The following GDF1 variants were observed in gnomAD, a reference collection of about 807,000 sequenced individuals.
GDF1 encodes the protein growth differentiation factor 1.
GDF1 carries 8 observed loss-of-function variants against 7.4 expected under a neutral mutation model. The ratio of observed to expected loss-of-function variants is 1.09; its 90% CI spans 0.64 to 1.96. The LOEUF is 1.96. Among genes scored for constraint, GDF1 ranks in the 30% most tolerant of loss-of-function variants. GDF1 has a pLI of 0.00. For missense variants in GDF1, 574 were observed against 551.5 expected (o/e 1.04, Z -0.41); for synonymous variants, 311 against 276.7 (o/e 1.12, Z -1.23).
At chr19:18,890,783 GAAA>G (rs35488506) in intron 2 of GDF1, among the ~76,000 whole-genome samples, 1 of 99,766 alleles carries the variant, frequency 1.0e-5, no homozygotes, top group Non-Finnish European at 1.9e-5. Context: ...CGCGTCTGGG[GAAA>G]AAAAAAAAAA....
At chr19:18,876,533 G>A in intron 6 of GDF1, among the ~76,000 whole-genome samples, 1 of 95,022 alleles carries the variant, frequency 1.1e-5, no homozygotes, top group East Asian at 2.7e-4. Context: ...TGTTTTGATT[G>A]GGTTGTGTGT....
In GDF1 at chr19:18,868,723, G is replaced by A; in HGVS notation, c.993C>T (p.Ala331=). ...RALMHAAAPG[A]ADLPCCVPAR... ...CGGGCACGCAGCAGGGCAGGTCGGC[G>A]GCTCCCGGGGCGGCCGCGTGCATGA... Residue 331 remains alanine, a synonymous_variant, in exon 8 of 8, where the codon GCC becomes GCT. Coordinates refer to ENST00000247005, the MANE Select transcript of GDF1 (RefSeq NM_001492.6). 2 of 1,539,390 alleles carry A rather than the reference G, an allele frequency of 1.3e-6. No homozygotes were observed. The highest frequency in any genetic ancestry group is 1.8e-6 in the Non-Finnish European group (2 of 1,140,082).
At chr19:18,893,659 G>T in intron 1 of GDF1, 84 bp from the exon 2 acceptor site, 1 of 1,391,744 alleles carries the variant, frequency 7.2e-7, no homozygotes. Flanking sequence ...GAGGCCCAGG[G>T]ACTCCCCAGG....
rs2055910234 is a variant in GDF1, at chr19:18,869,083, G to A, written c.633C>T (p.Arg211=). ...AAWARNASWP[R]SLRLALALRP... ...GTAGCGCCAGCGCCAGGCGGAGGCT[G>A]CGCGGCCATGAGGCGTTGCGAGCCC... is the stretch of plus-strand genomic sequence containing the variant. The change falls in exon 8 of 8, where the codon CGC becomes CGT. Residue 211 remains arginine, a synonymous_variant. Transcript: ENST00000247005. The A allele has an allele frequency of 2.8e-6, 3 of 1,064,198 alleles. No homozygotes were observed. Among genetic ancestry groups the A allele is most frequent in the African/African-American group, 1.7e-5 (1 of 58,262 alleles). The allele number at this position is 1,064,198 out of a possible 1,614,324, so 65.9% of individuals were successfully genotyped here.
At chr19:18,884,958 C>T (rs914536140) in intron 2 of GDF1, among the ~76,000 whole-genome samples, 1 of 151,894 alleles carries the variant, frequency 6.6e-6, no homozygotes, top group Non-Finnish European at 1.5e-5. Context: ...TCAGGTGATC[C>T]ACCTGCCTCG....
intron 6 of GDF1, among the ~76,000 whole-genome samples, chr19:18,875,603 CCT>C (rs1568295315): frequency 6.6e-6 from 1 of 151,892 alleles, no homozygotes; most frequent in Admixed American, 6.6e-5. Context: ...CACCTGGAAT[CCT>C]CTCTCTGCTG....
intron 6 of GDF1, among the ~76,000 whole-genome samples, chr19:18,872,553 TC>T (rs2055991428): frequency 6.6e-6 from 1 of 151,482 alleles, no homozygotes; most frequent in African/African-American, 2.4e-5. Flanking sequence ...CTCGCTCTTG[TC>T]CCCCAGGCGG....
chr19:18,878,743 T>C lies in GDF1; in HGVS notation c.-313+187A>G. The C allele has an allele frequency of 7.1e-7, 1 of 1,410,868 alleles. No homozygotes were observed. Among genetic ancestry groups the C allele is most frequent in the Non-Finnish European group, 9.3e-7 (1 of 1,080,762 alleles). 87.4% of individuals were successfully genotyped at this position (1,410,868 alleles called of 1,614,324 possible). ...AGCCTCTCCCTCCCCTTCCTCACTG[T>C]CCTGTCCTTCAGGGTACTGGCCACA... On this transcript the variant is annotated intron_variant, in intron 6 of 7. Coordinates refer to ENST00000247005, the MANE Select transcript of GDF1 (RefSeq NM_001492.6). The surrounding 1 kb of genome is among the most constrained non-coding windows in gnomAD (Gnocchi z 4.6).
chr19:18,871,132 A>T (rs2055962342), intron 6 of GDF1, among the ~76,000 whole-genome samples: 1 of 149,948 alleles, frequency 6.7e-6, no homozygotes. Context: ...TCCAGGCTAG[A>T]GCTGTGGCAC....
At chr19:18,888,687 G>A (rs945569807) in intron 2 of GDF1, among the ~76,000 whole-genome samples, 21 of 150,830 alleles carry the variant, frequency 1.4e-4, no homozygotes, top group African/African-American at 4.9e-4. Context: ...AAAATTAGCC[G>A]GGTGTGGTAG....
intron 6 of GDF1, among the ~76,000 whole-genome samples, chr19:18,874,300 C>T (rs2056024537): frequency 6.6e-6 from 1 of 152,150 alleles, no homozygotes; most frequent in Non-Finnish European, 1.5e-5. Flanking sequence ...CTGAAGTTCA[C>T]AGTTTTCTAT....
At chr19:18,876,582 C>A (rs2056065339) in intron 6 of GDF1, among the ~76,000 whole-genome samples, 1 of 142,578 alleles carries the variant, frequency 7.0e-6, no homozygotes, top group African/African-American at 2.7e-5. Context: ...ACTGCATATC[C>A]CTATATTGCC....
intron 2 of GDF1, among the ~76,000 whole-genome samples, chr19:18,888,372 G>A (rs553458843): frequency 6.0e-5 from 9 of 150,368 alleles, no homozygotes; most frequent in Non-Finnish European, 1.3e-4. Context: ...AAAAAAATTA[G>A]CTGGGTGTGG....
Position 18,868,930 on chromosome 19 carries a change from G to A in GDF1, c.786C>T (p.Gly262=), listed in dbSNP as rs1484930393. 7.6e-7 allele frequency: 1 copy of A among 1,322,578 alleles called. No homozygotes were observed. The highest frequency in any genetic ancestry group is 9.7e-7 in the Non-Finnish European group (1 of 1,027,342). 81.9% of individuals were successfully genotyped at this position (1,322,578 alleles called of 1,614,324 possible). A position where few individuals can be genotyped will look rare whatever the true frequency, so the allele number is the denominator to read the frequency against. The change falls in exon 8 of 8, where the codon GGC becomes GGT. Residue 262 remains glycine, a synonymous_variant. Transcript: ENST00000247005. ...RRDAEPVLGG[G]PGGACRARRL... ...GCCGCGCGCGACAAGCGCCCCCGGG[G>A]CCGCCGCCCAACACGGGTTCGGCGT...
chr19:18,869,206 C>G lies in GDF1; in HGVS notation c.510G>C (p.Ala170=). The G allele has an allele frequency of 7.8e-7, 1 of 1,275,646 alleles. No homozygotes were observed. The highest frequency in any genetic ancestry group is 3.6e-5 in the East Asian group (1 of 27,814). 79.0% of individuals were successfully genotyped at this position (1,275,646 alleles called of 1,614,324 possible). A position where few individuals can be genotyped will look rare whatever the true frequency, so the allele number is the denominator to read the frequency against. ...CGGGGTCCGCGCCCGCGCCCTGGCCCGCTTGCGCCACGCTCAGCTCCCAGC... is the reference window on the plus strand; with the variant it reads ...CGGGGTCCGCGCCCGCGCCCTGGCCGGCTTGCGCCACGCTCAGCTCCCAGC... ...EGGWELSVAQ[A]GQGAGADPGP... is the part of the protein sequence containing the mutation. Residue 170 remains alanine, a synonymous_variant, in exon 8 of 8, where the codon GCG becomes GCC. Coordinates refer to ENST00000247005, the MANE Select transcript of GDF1 (RefSeq NM_001492.6).
chr19:18,881,612 C>T (rs2056212117), intron 3 of GDF1: 1 of 152,182 alleles, frequency 6.6e-6, no homozygotes, highest in Admixed American at 6.6e-5. Context: ...CTGGATTCAC[C>T]CTGGACGTGG....
At chr19:18,874,147 C>T (rs2056022090) in intron 6 of GDF1, among the ~76,000 whole-genome samples, 2 of 152,308 alleles carry the variant, frequency 1.3e-5, no homozygotes, top group African/African-American at 2.4e-5. Context: ...GTAGCAGCAG[C>T]TGGACATCCT....
Position 18,868,842 on chromosome 19 carries a change from G to A in GDF1, c.874C>T (p.Leu292=), listed in dbSNP as rs1233479729. The A allele has an allele frequency of 2.8e-6, 4 of 1,451,646 alleles. No homozygotes were observed. The East Asian group carries it at 1.2e-4, about 45-fold the overall frequency. The allele number at this position is 1,451,646 out of a possible 1,614,324, so 89.9% of individuals were successfully genotyped here. A position where few individuals can be genotyped will look rare whatever the true frequency, so the allele number is the denominator to read the frequency against. ...CACTGACCCTGGCAGTAGTTGGCCA[G>A]GAAGCCGCGCGGCGCGATGACCCAG... ...HRWVIAPRGF[L]ANYCQGQCAL... Residue 292 remains leucine, a synonymous_variant, in exon 8 of 8, where the codon CTG becomes TTG. Transcript: ENST00000247005.
At chr19:18,874,621 G>C (rs1317694494) in intron 6 of GDF1, among the ~76,000 whole-genome samples, 3 of 152,230 alleles carry the variant, frequency 2.0e-5, no homozygotes, top group African/African-American at 4.8e-5. Flanking sequence ...GGGCAATGGG[G>C]ACTTTGGACA....
Sources: allele counts gnomAD v4.1 joint callset (sites outside exome capture counted in the v4.1 genomes callset), GRCh38; gene constraint gnomAD v4.1.1; non-coding constraint Gnocchi (gnomAD v3.1); transcripts MANE v1.5; gene names NCBI Gene and HGNC (gene_info 2026-07-23, HGNC 2026-07-21).